Variants in LDLRAD4 observed in about 807,000 individuals in gnomAD.
The protein encoded by LDLRAD4 is low density lipoprotein receptor class A domain containing 4, also known as low-density lipoprotein receptor class A domain-containing protein 4.
Under a neutral mutation model 17.0 loss-of-function variants are expected in LDLRAD4, and 5 were observed. That is an observed-to-expected ratio of 0.29 (90% confidence interval 0.15 to 0.62). The LOEUF is 0.62. Among genes scored for constraint, LDLRAD4 ranks in the 20% least tolerant of loss-of-function variants. The pLI is 0.84. For synonymous variants in LDLRAD4, 168 were observed against 171.8 expected (o/e 0.98, Z 0.17); for missense variants, 340 against 424.7 (o/e 0.80, Z 1.75).
intron 1 of LDLRAD4, among the ~76,000 whole-genome samples, chr18:13,283,284 T>G (rs918729857): frequency 2.0e-5 from 3 of 152,240 alleles, no homozygotes; most frequent in Admixed American, 2.0e-4. Context: ...AAATGGGTTT[T>G]TCTTTTCTAT....
intron 3 of LDLRAD4, among the ~76,000 whole-genome samples, chr18:13,576,185 A>G (rs2094767248): frequency 6.6e-6 from 1 of 152,160 alleles, no homozygotes; most frequent in Non-Finnish European, 1.5e-5. Context: ...GCACTTTGGG[A>G]GGCCAAGACG....
chr18:13,345,613 G>T (rs1375861705), intron 1 of LDLRAD4, among the ~76,000 whole-genome samples: 1 of 152,186 alleles, frequency 6.6e-6, no homozygotes, highest in African/African-American at 2.4e-5. Flanking sequence ...AGTTAGGGAG[G>T]ATTCCCTCTT....
intron 3 of LDLRAD4, among the ~76,000 whole-genome samples, chr18:13,540,744 G>A (rs1007846984): frequency 6.6e-6 from 1 of 152,252 alleles, no homozygotes; most frequent in African/African-American, 2.4e-5. Context: ...ACGCATGTTA[G>A]TTACAGCGTG....
At chr18:13,469,100 G>A (rs11877800) in intron 3 of LDLRAD4, among the ~76,000 whole-genome samples, 23,437 of 151,656 alleles carry the variant, frequency 0.15, 2,147 homozygotes, top group African/African-American at 0.24. Context: ...ATCCAAAGAA[G>A]ATATGCAATG....
rs562294118 is a variant in LDLRAD4, at chr18:13,496,706, G to A, written c.181+58322G>A. ...ATCAGAGTCAAAGTCCCCCATACTC[G>A]AGGTTAATAAAGGGATTGGGAGGTG... On this transcript the variant is annotated intron_variant, in intron 3 of 5. Transcript: ENST00000359446. Among the ~76,000 whole-genome samples the A allele has an allele frequency of 5.9e-5, 9 of 152,248 alleles. No homozygotes were observed. The South Asian group carries it at 1.7e-3, about 28-fold the overall frequency.
rs759438494 is a variant in LDLRAD4 at position 13,603,879 on chromosome 18, A to G, written c.182-17238A>G. Reference sequence around the variant, plus strand: ...TGGCTCTCTTTGTCTCCTGCAGTGCATCGTGGTGGCCGGCACATAGTAAGT... The same window carrying G: ...TGGCTCTCTTTGTCTCCTGCAGTGCGTCGTGGTGGCCGGCACATAGTAAGT... On this transcript the variant is annotated intron_variant, in intron 3 of 5. Coordinates refer to ENST00000359446, the Ensembl canonical transcript of LDLRAD4. Among the ~76,000 whole-genome samples, 6 of 152,356 alleles carry G rather than the reference A, an allele frequency of 3.9e-5. No individual in the cohort carries two copies. In the East Asian group the frequency reaches 7.7e-4, roughly 20 times the overall value.
rs182465984 is a variant in LDLRAD4, at chr18:13,300,156, C to T, written c.-383+21968C>T. 7.2e-5 allele frequency among the ~76,000 whole-genome samples: 11 copies of T among 152,338 alleles called. No homozygotes were observed. The highest frequency in any genetic ancestry group is 7.3e-5 in the Non-Finnish European group (5 of 68,028). On this transcript the variant is annotated intron_variant, in intron 1 of 5. Coordinates refer to ENST00000359446, the Ensembl canonical transcript of LDLRAD4. The surrounding 1 kb of genome is among the most constrained non-coding windows in gnomAD (Gnocchi z 4.2). Reference sequence around the variant, plus strand: ...AAATTCCATGCCCCAGCCTGGCTTCCGGTTCCTGCTTGTCTCTGGAGAGCC... The same window carrying T: ...AAATTCCATGCCCCAGCCTGGCTTCTGGTTCCTGCTTGTCTCTGGAGAGCC...
intron 3 of LDLRAD4, among the ~76,000 whole-genome samples, chr18:13,550,915 C>G (rs1274459528): frequency 6.6e-6 from 1 of 152,140 alleles, no homozygotes; most frequent in African/African-American, 2.4e-5. Flanking sequence ...AGTACAGATG[C>G]TGTCACCGTG....
intron 1 of LDLRAD4, among the ~76,000 whole-genome samples, chr18:13,349,056 C>T (rs6505808): frequency 0.34 from 51,656 of 152,074 alleles, 8,773 homozygotes; most frequent in South Asian, 0.39. Context: ...CTTTGGCTCA[C>T]GCTCGGTGCG....
At chr18:13,281,791 G>A (rs939957610) in intron 1 of LDLRAD4, among the ~76,000 whole-genome samples, 2 of 152,020 alleles carry the variant, frequency 1.3e-5, no homozygotes, top group African/African-American at 2.4e-5. Context: ...GTCTCCTCCC[G>A]GACCTCTGTC....
At chr18:13,425,719 G>A (rs890702156) in intron 2 of LDLRAD4, among the ~76,000 whole-genome samples, 1 of 152,320 alleles carries the variant, frequency 6.6e-6, no homozygotes, top group Admixed American at 6.5e-5. Flanking sequence ...TGGGGTTGAC[G>A]GCCTGGGGAG....
rs60695092 is a variant in LDLRAD4 at position 13,635,931 on chromosome 18, CTGTGTGTGTGTG to C, written c.337-7401_337-7390del. ...GTACGCAGCAGAGAAGACAGCTATG[CTGTGTGTGTGTG>C]TGTGTGTGTGTGTGTGTGTGTGTGT... is the stretch of plus-strand genomic sequence containing the variant. On this transcript the variant is annotated intron_variant, in intron 4 of 5. Coordinates refer to ENST00000359446, the Ensembl canonical transcript of LDLRAD4. Among the ~76,000 whole-genome samples the C allele has an allele frequency of 2.9e-3, 433 of 147,426 alleles. 3 individuals are homozygous for C. The highest frequency in any genetic ancestry group is 9.2e-3 in the African/African-American group (359 of 39,140).
chr18:13,565,739 C>G (rs533375282), intron 3 of LDLRAD4, among the ~76,000 whole-genome samples: 72 of 152,346 alleles, frequency 4.7e-4, no homozygotes, highest in Middle Eastern at 3.4e-3. Flanking sequence ...TGGCAGAGCT[C>G]TGTACCTGCA....
At position 13,300,415 on chromosome 18, in the gene LDLRAD4, T is replaced by G. The variant is rs1316101381; in HGVS notation, c.-383+22227T>G. On this transcript the variant is annotated intron_variant, in intron 1 of 5. Coordinates refer to ENST00000359446, the Ensembl canonical transcript of LDLRAD4. The surrounding 1 kb of genome is among the most constrained non-coding windows in gnomAD (Gnocchi z 4.2). ...GGGCAGGTTCTGTTCTGATGGCCTT[T>G]TTTCCCAAGGACATGACATTCGCGG... 1.3e-5 allele frequency among the ~76,000 whole-genome samples: 2 copies of G among 152,192 alleles called. No individual in the cohort carries two copies. Among genetic ancestry groups the G allele is most frequent in the African/African-American group, 4.8e-5 (2 of 41,446 alleles).
chr18:13,535,494 T>G (rs547461048), intron 3 of LDLRAD4, among the ~76,000 whole-genome samples: 1 of 152,334 alleles, frequency 6.6e-6, no homozygotes, highest in African/African-American at 2.4e-5. Context: ...TTTAAATCTT[T>G]TGCACATTTT....
intron 3 of LDLRAD4, among the ~76,000 whole-genome samples, chr18:13,451,180 G>C (rs1419774206): frequency 4.6e-5 from 7 of 152,170 alleles, no homozygotes; most frequent in African/African-American, 1.7e-4. Flanking sequence ...TAGTCTGTCT[G>C]GGCTACTATT....
chr18:13,523,254 C>T lies in LDLRAD4; in HGVS notation c.181+84870C>T, dbSNP rs562329424. On this transcript the variant is annotated intron_variant, in intron 3 of 5. Transcript: ENST00000359446. ...ATTTGGTAGATGTAATTGACATCCC[C>T]GATCAATTCATGAGAATGGAGATTG... Among the ~76,000 whole-genome samples, 6 of 152,276 alleles carry T rather than the reference C, an allele frequency of 3.9e-5. No individual in the cohort carries two copies. The East Asian group carries it at 5.8e-4, about 15-fold the overall frequency.
chr18:13,525,221 G>T (rs1037958199), intron 3 of LDLRAD4, among the ~76,000 whole-genome samples: 1 of 152,194 alleles, frequency 6.6e-6, no homozygotes, highest in East Asian at 1.9e-4. Context: ...TTCAGCAAAT[G>T]ACTTAATGTC....
chr18:13,240,756 G>C (rs2042599532), intron 1 of LDLRAD4: 1 of 152,310 alleles, frequency 6.6e-6, no homozygotes, highest in African/African-American at 2.4e-5. Context: ...TGATATTCCA[G>C]CTGCCCTCCA....
Sources: gnomAD v4.1 joint callset for allele counts (sites outside exome capture counted in the v4.1 genomes callset) on GRCh38, gnomAD v4.1.1 for gene constraint, Gnocchi (gnomAD v3.1) non-coding constraint, MANE v1.5 for transcripts, NCBI Gene and HGNC (gene_info 2026-07-23, HGNC 2026-07-21) for gene names.